Variants in TNRC6B observed in about 807,000 individuals in gnomAD.
TNRC6B encodes trinucleotide repeat containing adaptor 6B.
Under a neutral mutation model 203.6 loss-of-function variants are expected in TNRC6B, and 52 were observed. That is an observed-to-expected ratio of 0.26 (90% CI 0.20 to 0.32). The LOEUF (loss-of-function observed/expected upper bound fraction) is 0.32, where lower values mean the gene tolerates loss of function less well. Among genes scored for constraint, TNRC6B ranks in the 10% least tolerant of loss-of-function variants. The pLI, the probability that TNRC6B is intolerant of heterozygous loss-of-function variation, is 1.00. For synonymous variants in TNRC6B, 838 were observed against 845.7 expected (o/e 0.99, Z 0.16); for missense variants, 1,923 against 2,286.2 (o/e 0.84, Z 3.24).
chr22:40,312,385 TAA>T, intron 17 of TNRC6B, 118 bp from the exon 18 acceptor site: 1 of 1,060,442 alleles, frequency 9.4e-7, no homozygotes, highest in Non-Finnish European at 1.3e-6. Flanking sequence ...GATGAAAATC[TAA>T]GAGACAATAA....
At chr22:40,122,907 C>T (rs564871255) in intron 2 of TNRC6B, among the ~76,000 whole-genome samples, 2 of 152,168 alleles carry the variant, frequency 1.3e-5, no homozygotes, top group African/African-American at 4.8e-5. Context: ...TGAGTAAATT[C>T]CCTCAAGGTC....
chr22:40,083,822 G>A (rs949390737), intron 1 of TNRC6B, among the ~76,000 whole-genome samples: 14 of 152,242 alleles, frequency 9.2e-5, no homozygotes, highest in Admixed American at 3.3e-4. Flanking sequence ...ATAGCAGATC[G>A]TTGTATTATG....
In TNRC6B at chr22:40,134,714, TA is replaced by T. The variant is rs1360594820; in HGVS notation, c.45+8855del. ...GTGTATCCCAGAACTTAAAGTTTAA[TA>T]AATAAATAATAATGTATCAATATTG... On this transcript the variant is annotated intron_variant, in intron 3 of 23. Transcript: ENST00000301923. Among the ~76,000 whole-genome samples the T allele has an allele frequency of 7.9e-5, 12 of 152,182 alleles. 1 individual carries two copies. Among genetic ancestry groups the T allele is most frequent in the Admixed American group, 3.3e-4 (5 of 15,274 alleles).
At chr22:40,217,878 G>A (rs2069655613) in intron 1 of TNRC6B, among the ~76,000 whole-genome samples, 1 of 150,968 alleles carries the variant, frequency 6.6e-6, no homozygotes, top group Admixed American at 6.7e-5. Flanking sequence ...AGGAGGCTGA[G>A]GCAGGAGAAT....
At chr22:40,201,702 G>A (rs905980642) in intron 1 of TNRC6B, among the ~76,000 whole-genome samples, 1 of 151,986 alleles carries the variant, frequency 6.6e-6, no homozygotes, top group African/African-American at 2.4e-5. Flanking sequence ...TGGGATTAGA[G>A]TTGTGAGCCA....
chr22:40,212,779 C>A (rs2069582724), intron 1 of TNRC6B, among the ~76,000 whole-genome samples: 2 of 151,952 alleles, frequency 1.3e-5, no homozygotes, highest in African/African-American at 4.8e-5. Flanking sequence ...CTTCCGAGTA[C>A]CTGGGATTAA....
intron 22 of TNRC6B, among the ~76,000 whole-genome samples, chr22:40,322,525 A>G (rs149847162): frequency 2.6e-5 from 4 of 152,334 alleles, no homozygotes; most frequent in Admixed American, 2.6e-4. Flanking sequence ...TTTTCTTGAT[A>G]GCTAAGTTGT....
chr22:40,318,364 G>T (rs1337306198), intron 21 of TNRC6B, among the ~76,000 whole-genome samples: 1 of 152,020 alleles, frequency 6.6e-6, no homozygotes, highest in East Asian at 1.9e-4. Flanking sequence ...TGGCTAACAT[G>T]GTGAAACCCC....
chr22:40,217,795 C>T (rs552163705), intron 1 of TNRC6B, among the ~76,000 whole-genome samples: 1 of 151,892 alleles, frequency 6.6e-6, no homozygotes, highest in Non-Finnish European at 1.5e-5. Context: ...ACCAACATGG[C>T]AAAACCCTGT....
At chr22:40,170,422 A>G (rs1402688600) in intron 4 of TNRC6B, among the ~76,000 whole-genome samples, 1 of 26,200 alleles carries the variant, frequency 3.8e-5, no homozygotes, top group Non-Finnish European at 5.3e-5. Flanking sequence ...GTTTATATAT[A>G]TATTATATAT....
intron 1 of TNRC6B, among the ~76,000 whole-genome samples, chr22:40,192,878 A>G (rs919986487): frequency 2.0e-5 from 3 of 152,212 alleles, no homozygotes; most frequent in African/African-American, 4.8e-5. Context: ...GCAGGCAGAA[A>G]TAAGGGTCTG....
chr22:40,207,226 G>A (rs1465458906), intron 1 of TNRC6B, among the ~76,000 whole-genome samples: 1 of 151,896 alleles, frequency 6.6e-6, no homozygotes, highest in African/African-American at 2.4e-5. Context: ...GAATATTTAT[G>A]ACCTTGGAGC....
intron 1 of TNRC6B, among the ~76,000 whole-genome samples, chr22:40,193,416 A>T (rs1198831086): frequency 6.6e-6 from 1 of 152,184 alleles, no homozygotes; most frequent in Admixed American, 6.5e-5. Context: ...GTCTCTGGGG[A>T]TAAAGCAGTG....
intron 4 of TNRC6B, among the ~76,000 whole-genome samples, chr22:40,172,175 C>T (rs139308320): frequency 3.3e-5 from 5 of 152,308 alleles, no homozygotes; most frequent in East Asian, 1.9e-4. Flanking sequence ...CCACCATGCC[C>T]GGCCTAAACA....
chr22:40,116,946 A>G (rs888534953), intron 1 of TNRC6B: 1 of 152,460 alleles, frequency 6.6e-6, no homozygotes, highest in African/African-American at 2.4e-5. Flanking sequence ...CCTAGAAACA[A>G]TAGCTGGTGA....
chr22:40,183,188 C>T (rs889457187), intron 1 of TNRC6B, among the ~76,000 whole-genome samples: 8 of 152,130 alleles, frequency 5.3e-5, no homozygotes, highest in African/African-American at 1.4e-4. Flanking sequence ...TATATTGTTG[C>T]GACGCATAAA....
Position 40,186,173 on chromosome 22 carries a change from G to A in TNRC6B, c.5+8033G>A, listed in dbSNP as rs2069200048. 2.0e-5 allele frequency among the ~76,000 whole-genome samples: 3 copies of A among 152,156 alleles called. No homozygotes were observed. In the South Asian group the frequency reaches 6.2e-4, roughly 31 times the overall value. On this transcript the variant is annotated intron_variant, in intron 1 of 22. Transcript: ENST00000454349. ...GAGACCTTGGGGACGGGAAGAGAAA[G>A]AGGACCTGGGAAAGGATAAAAAGAA...
chr22:40,222,331 TGAAAG>T (rs2069721803), intron 1 of TNRC6B, among the ~76,000 whole-genome samples: 1 of 152,102 alleles, frequency 6.6e-6, no homozygotes, highest in Non-Finnish European at 1.5e-5. Flanking sequence ...GATGCATAGA[TGAAAG>T]GGAAGTTTTG....
In TNRC6B at chr22:40,048,397, C is replaced by T. The variant is rs549233092; in HGVS notation, c.-121+3399C>T. On this transcript the variant is annotated intron_variant, in intron 1 of 23. Coordinates refer to the TNRC6B transcript ENST00000301923. ...CTACTAAAAATACAAAAAAATTAGC[C>T]GGGTGTGGCGGCGCATGCCTGTAGT... Among the ~76,000 whole-genome samples the T allele has an allele frequency of 3.9e-5, 6 of 152,172 alleles. No homozygotes were observed. In the East Asian group the frequency reaches 7.7e-4, roughly 20 times the overall value.
Sources: gnomAD v4.1 joint callset for allele counts (sites outside exome capture counted in the v4.1 genomes callset) on GRCh38, gnomAD v4.1.1 for gene constraint, MANE v1.5 for transcripts, NCBI Gene and HGNC (gene_info 2026-07-23, HGNC 2026-07-21) for gene names.